The following PCDHA5 variants were observed in gnomAD, a reference collection of about 807,000 sequenced individuals.
PCDHA5 encodes the protein protocadherin alpha 5.
Under a neutral mutation model 61.6 loss-of-function variants are expected in PCDHA5, and 43 were observed. The observed-to-expected ratio is 0.70, with a 90% CI of 0.55 to 0.90. PCDHA5 has a LOEUF of 0.90. Ranked by LOEUF, PCDHA5 falls within the 40% of genes least tolerant of loss-of-function variation. The probability of loss-of-function intolerance (pLI) is 0.00; values close to 1 mark genes in which losing one functional copy is unlikely to be tolerated. For synonymous variants in PCDHA5, 627 were observed against 543.9 expected (o/e 1.15, Z -2.13); for missense variants, 1,298 against 1,222.7 (o/e 1.06, Z -0.92).
intron 1 of PCDHA5, among the ~76,000 whole-genome samples, chr5:140,945,587 C>A (rs2093812111): frequency 6.6e-6 from 1 of 152,052 alleles, no homozygotes; most frequent in African/African-American, 2.4e-5. Context: ...TCAAAATATA[C>A]TTCAAAGCTA....
intron 1 of PCDHA5, chr5:140,857,310 A>C (rs781828328): frequency 6.3e-7 from 1 of 1,598,608 alleles, no homozygotes; most frequent in Admixed American, 1.7e-5. Flanking sequence ...TCGGCCTATG[A>C]GCTGGTGGTG....
chr5:141,010,052 A>G lies in PCDHA5; in HGVS notation c.*115A>G. The stretch of plus-strand genomic sequence containing the variant: ...CTACATGAGCCCTCTTAGAGACCTC[A>G]GAAATCTGCAGAAAGTTCCCTGTGT... On this transcript the variant is annotated 3_prime_UTR_variant, in exon 4 of 4. Coordinates refer to ENST00000529859, the MANE Select transcript of PCDHA5 (RefSeq NM_018908.3). The G allele has an allele frequency of 1.3e-6, 2 of 1,598,970 alleles. No homozygotes were observed. Among genetic ancestry groups the G allele is most frequent in the Non-Finnish European group, 1.7e-6 (2 of 1,172,814 alleles).
At chr5:140,926,118 G>C (rs927468824) in intron 1 of PCDHA5, among the ~76,000 whole-genome samples, 3 of 152,174 alleles carry the variant, frequency 2.0e-5, no homozygotes, top group African/African-American at 7.2e-5. Flanking sequence ...GTGCAGGACA[G>C]ACTTCAACCC....
Position 140,836,433 on chromosome 5 carries a change from T to C in PCDHA5, c.2352+12306T>C, listed in dbSNP as rs2150260977. The C allele has an allele frequency of 1.3e-4, 215 of 1,613,692 alleles. 2 individuals are homozygous for C. Among genetic ancestry groups the C allele is most frequent in the Non-Finnish European group, 2.4e-5 (28 of 1,179,856 alleles). ...ACCAAAGGCGTCGTCGCGGGCATCG[T>C]TGGGCATTGCAGGCCCAGAGACCGA... On this transcript the variant is annotated intron_variant, in intron 1 of 3. Transcript: ENST00000529859.
At chr5:140,966,860 TTGC>T (rs148181752) in intron 1 of PCDHA5, 30 of 1,577,282 alleles carry the variant, frequency 1.9e-5, no homozygotes, top group Middle Eastern at 1.7e-4. Context: ...CCTGCTGCTG[TTGC>T]TGCTGCTGCT....
At chr5:140,856,818 A>G in intron 1 of PCDHA5, 1 of 1,593,074 alleles carries the variant, frequency 6.3e-7, no homozygotes, top group Non-Finnish European at 8.6e-7. Flanking sequence ...CAAGTGAACC[A>G]AACATTAGTA....
chr5:140,836,921 G>T (rs917250173), intron 1 of PCDHA5: 1 of 539,944 alleles, frequency 1.9e-6, no homozygotes. Context: ...TTTGTTTTGG[G>T]ATGCGTAATA....
At chr5:140,960,483 T>G (rs1554224788) in intron 1 of PCDHA5, among the ~76,000 whole-genome samples, 1 of 151,978 alleles carries the variant, frequency 6.6e-6, no homozygotes, top group Non-Finnish European at 1.5e-5. Flanking sequence ...TACACAGAGG[T>G]GTAGGTTTGT....
At chr5:140,915,207 A>G (rs1238146165) in intron 1 of PCDHA5, among the ~76,000 whole-genome samples, 2 of 152,154 alleles carry the variant, frequency 1.3e-5, no homozygotes, top group Non-Finnish European at 2.9e-5. Flanking sequence ...TTGGCCTCCC[A>G]AAGTGCTGGG....
chr5:140,937,260 A>G (rs1427466170), intron 1 of PCDHA5, among the ~76,000 whole-genome samples: 1 of 151,830 alleles, frequency 6.6e-6, no homozygotes, highest in Non-Finnish European at 1.5e-5. Flanking sequence ...GATGGTCTCG[A>G]TCTCCTGACC....
intron 1 of PCDHA5, chr5:140,858,307 G>T: frequency 6.3e-7 from 1 of 1,597,292 alleles, no homozygotes; most frequent in Non-Finnish European, 8.6e-7. Flanking sequence ...AGCAGAGGCG[G>T]CAGAGGGTGT....
chr5:140,841,236 G>A (rs1171503163), intron 1 of PCDHA5: 2 of 1,481,194 alleles, frequency 1.4e-6, no homozygotes, highest in East Asian at 2.3e-5. Flanking sequence ...GGGAGATGCA[G>A]CGGAATTGGA....
chr5:140,942,518 G>A (rs2093312014), intron 1 of PCDHA5, among the ~76,000 whole-genome samples: 1 of 151,908 alleles, frequency 6.6e-6, no homozygotes, highest in Non-Finnish European at 1.5e-5. Flanking sequence ...ACTCAGAGGG[G>A]AAGCAACTAA....
chr5:140,897,636 C>A (rs2066236074), intron 1 of PCDHA5, among the ~76,000 whole-genome samples: 1 of 152,038 alleles, frequency 6.6e-6, no homozygotes, highest in African/African-American at 2.4e-5. Context: ...GTGTATAGTG[C>A]CACAATAAAC....
At chr5:140,967,085 C>T in intron 1 of PCDHA5, 1 of 1,613,198 alleles carries the variant, frequency 6.2e-7, no homozygotes, top group Non-Finnish European at 8.5e-7. Context: ...GCGCATTGAT[C>T]GGGAGGCGCT....
intron 1 of PCDHA5, among the ~76,000 whole-genome samples, chr5:140,874,443 C>G (rs1554167205): frequency 6.6e-6 from 1 of 152,208 alleles, no homozygotes; most frequent in Non-Finnish European, 1.5e-5. Context: ...GTCCTAACTA[C>G]TAAATGACCT....
At chr5:140,908,846 T>A (rs2074185614) in intron 1 of PCDHA5, among the ~76,000 whole-genome samples, 1 of 152,294 alleles carries the variant, frequency 6.6e-6, no homozygotes, top group East Asian at 1.9e-4. Flanking sequence ...TGGAGTAACA[T>A]ACCCAAATGA....
intron 1 of PCDHA5, chr5:140,867,631 G>A (rs1554161429): frequency 1.3e-5 from 2 of 151,978 alleles, no homozygotes; most frequent in African/African-American, 4.8e-5. Flanking sequence ...AAATATTTAA[G>A]CTAGAGTGAT....
chr5:140,982,507 G>T lies in PCDHA5; in HGVS notation c.2444G>T (p.Arg815Leu). Reference sequence around the variant, plus strand: ...CACCTAGAGGAGGCTGGCATTCTACGGGCTGGTCCAGGAGGGCCTGATCAG... The same window carrying T: ...CACCTAGAGGAGGCTGGCATTCTACTGGCTGGTCCAGGAGGGCCTGATCAG... The part of the protein sequence containing the change: ...SVHLEEAGIL[R>L]AGPGGPDQQW... The change falls in exon 3 of 4, where the codon CGG becomes CTG. Residue 815 changes from arginine to leucine, a missense_variant. Physicochemically the swap from Arg to Leu is moderately radical, Grantham distance 102. Coordinates refer to ENST00000529859, the MANE Select transcript of PCDHA5 (RefSeq NM_018908.3). 6.2e-7 allele frequency: 1 copy of T among 1,614,138 alleles called. No homozygotes were observed. Among genetic ancestry groups the T allele is most frequent in the Non-Finnish European group, 8.5e-7 (1 of 1,180,018 alleles).
Sources: allele counts gnomAD v4.1 joint callset (sites outside exome capture counted in the v4.1 genomes callset), GRCh38; gene constraint gnomAD v4.1.1; transcripts MANE v1.5; gene names NCBI Gene and HGNC (gene_info 2026-07-23, HGNC 2026-07-21).